RNF13: variants seen among roughly 807,000 people sequenced by gnomAD.
RNF13 encodes E3 ubiquitin-protein ligase RNF13.
Under a neutral mutation model 37.7 loss-of-function variants are expected in RNF13, and 19 were observed. That is an observed-to-expected ratio of 0.50 (90% CI 0.35 to 0.74). The LOEUF is 0.74. Ranked by LOEUF, RNF13 falls within the 30% of genes least tolerant of loss-of-function variation. The pLI is 0.01. For synonymous variants in RNF13, 144 were observed against 157.8 expected (o/e 0.91, Z 0.65); for missense variants, 375 against 453.0 (o/e 0.83, Z 1.56).
chr3:149,904,775 TA>T (rs1273319826), intron 6 of RNF13, among the ~76,000 whole-genome samples: 4 of 146,760 alleles, frequency 2.7e-5, no homozygotes, highest in Non-Finnish European at 5.9e-5. Context: ...AAGTAATAAT[TA>T]AAAAAAGACT....
At chr3:149,893,500 G>C in intron 4 of RNF13, among the ~76,000 whole-genome samples, 1 of 152,132 alleles carries the variant, frequency 6.6e-6, no homozygotes, top group East Asian at 1.9e-4. Context: ...AAGTTAAAAT[G>C]GTCATGAAAG....
intron 1 of RNF13, among the ~76,000 whole-genome samples, chr3:149,828,014 T>G (rs1191003659): frequency 6.6e-6 from 1 of 152,010 alleles, no homozygotes; most frequent in East Asian, 1.9e-4. Flanking sequence ...GATCTGGTGC[T>G]CCACCATTAA....
intron 1 of RNF13, among the ~76,000 whole-genome samples, chr3:149,844,750 C>T (rs1335396704): frequency 7.4e-4 from 113 of 152,204 alleles, no homozygotes; most frequent in African/African-American, 2.5e-3. Flanking sequence ...GTCAACAAAT[C>T]TAGACATTTA....
At chr3:149,918,494 T>C (rs1447756904) in intron 7 of RNF13, among the ~76,000 whole-genome samples, 1 of 152,188 alleles carries the variant, frequency 6.6e-6, no homozygotes, top group Non-Finnish European at 1.5e-5. Flanking sequence ...TTTCTTTTGC[T>C]TAATATTTTC....
At chr3:149,821,581 T>C (rs867336553) in intron 1 of RNF13, among the ~76,000 whole-genome samples, 3 of 151,122 alleles carry the variant, frequency 2.0e-5, no homozygotes, top group Middle Eastern at 6.8e-3. Flanking sequence ...TTATCAAATA[T>C]ATAATGTGCA....
intron 3 of RNF13, among the ~76,000 whole-genome samples, chr3:149,859,986 A>G (rs767150768): frequency 2.6e-5 from 4 of 151,892 alleles, no homozygotes; most frequent in Admixed American, 1.3e-4. Context: ...TTACAAGGCA[A>G]CCAGGTGTGG....
chr3:149,855,509 A>T (rs1471461314), intron 3 of RNF13, among the ~76,000 whole-genome samples: 1 of 151,066 alleles, frequency 6.6e-6, no homozygotes. Context: ...GTATTTTTAC[A>T]TTTATGCATT....
chr3:149,869,893 C>G (rs1711814537), intron 3 of RNF13, among the ~76,000 whole-genome samples: 1 of 151,764 alleles, frequency 6.6e-6, no homozygotes, highest in Non-Finnish European at 1.5e-5. Context: ...AGTAAATTAT[C>G]AAAATGCTGC....
chr3:149,929,950 G>A (rs903553909), intron 8 of RNF13, among the ~76,000 whole-genome samples: 1 of 152,216 alleles, frequency 6.6e-6, no homozygotes, highest in South Asian at 2.1e-4. Flanking sequence ...TCTTGAAATG[G>A]AGTCTTGCTC....
chr3:149,942,676 T>G (rs1040898350), intron 8 of RNF13, among the ~76,000 whole-genome samples: 1 of 152,196 alleles, frequency 6.6e-6, no homozygotes, highest in Non-Finnish European at 1.5e-5. Flanking sequence ...TTTTCCAATC[T>G]GTATGTTTTC....
intron 8 of RNF13, among the ~76,000 whole-genome samples, chr3:149,934,218 T>C (rs948623345): frequency 2.6e-5 from 4 of 152,152 alleles, no homozygotes; most frequent in African/African-American, 7.2e-5. Flanking sequence ...GTATTGATTG[T>C]AATTTTTTTC....
intron 8 of RNF13, among the ~76,000 whole-genome samples, chr3:149,931,467 T>TA (rs777231334): frequency 2.9e-4 from 44 of 152,322 alleles, no homozygotes; most frequent in African/African-American, 9.4e-4. Context: ...AGGTAAAGCT[T>TA]AGATTATTGA....
At chr3:149,880,438 C>A (rs189276022) in intron 4 of RNF13, among the ~76,000 whole-genome samples, 94 of 152,072 alleles carry the variant, frequency 6.2e-4, no homozygotes, top group African/African-American at 2.1e-3. Flanking sequence ...AATTGCAATT[C>A]TGACAAATAT....
chr3:149,950,582 C>G (rs529133902), intron 8 of RNF13, among the ~76,000 whole-genome samples: 1 of 152,258 alleles, frequency 6.6e-6, no homozygotes, highest in African/African-American at 2.4e-5. Flanking sequence ...TCAAGCCATC[C>G]TCCTGCCTCA....
At chr3:149,819,478 C>G (rs1719817869) in intron 1 of RNF13, among the ~76,000 whole-genome samples, 1 of 152,164 alleles carries the variant, frequency 6.6e-6, no homozygotes, top group African/African-American at 2.4e-5. Flanking sequence ...TCACTTGCCT[C>G]TGATATTGTG....
rs563079456 is a variant in RNF13, at chr3:149,817,560, C to T, written c.-17+4207C>T. Reference sequence around the variant, plus strand: ...TACCTTGAATTGGTTAATAGCAAAACCTTTAGAATCAGAGACTCTGTGTGC... The same window carrying T: ...TACCTTGAATTGGTTAATAGCAAAATCTTTAGAATCAGAGACTCTGTGTGC... On this transcript the variant is annotated intron_variant, in intron 1 of 9. Transcript: ENST00000392894. Among the ~76,000 whole-genome samples the T allele has an allele frequency of 3.9e-5, 6 of 152,192 alleles. No homozygotes were observed. In the South Asian group the frequency reaches 1.0e-3, roughly 26 times the overall value.
intron 8 of RNF13, among the ~76,000 whole-genome samples, chr3:149,947,882 C>T (rs1392724630): frequency 3.9e-5 from 6 of 152,080 alleles, no homozygotes; most frequent in Admixed American, 2.6e-4. Flanking sequence ...TGTATGGCCA[C>T]TCCTGCTCTC....
intron 9 of RNF13, 33 bp from the exon 10 acceptor site, chr3:149,960,707 T>C: frequency 6.4e-7 from 1 of 1,560,912 alleles, no homozygotes; most frequent in African/African-American, 1.4e-5. Context: ...AACCGCAGCA[T>C]ACTAACTAAA....
At chr3:149,869,376 C>T (rs533901047) in intron 3 of RNF13, among the ~76,000 whole-genome samples, 6 of 151,682 alleles carry the variant, frequency 4.0e-5, no homozygotes, top group East Asian at 1.9e-4. Flanking sequence ...GAGGCTGAGG[C>T]GGGCGGATCA....
Sources: allele counts gnomAD v4.1 joint callset (sites outside exome capture counted in the v4.1 genomes callset), GRCh38; gene constraint gnomAD v4.1.1; transcripts MANE v1.5; gene names NCBI Gene and HGNC (gene_info 2026-07-23, HGNC 2026-07-21).